The following CAB39 variants were observed in gnomAD, a reference collection of about 807,000 sequenced individuals.
CAB39 encodes the protein calcium binding protein 39.
A neutral mutation model predicts 40.0 loss-of-function variants in CAB39; 8 were observed. The observed-to-expected ratio is 0.20, with a 90% CI of 0.12 to 0.36. The LOEUF (loss-of-function observed/expected upper bound fraction) is 0.36, where lower values mean the gene tolerates loss of function less well. Ranked by LOEUF, CAB39 falls within the 10% of genes least tolerant of loss-of-function variation. The pLI, the probability that CAB39 is intolerant of heterozygous loss-of-function variation, is 1.00. For synonymous variants in CAB39, 156 were observed against 141.6 expected (o/e 1.10, Z -0.72); for missense variants, 270 against 401.1 (o/e 0.67, Z 2.79).
intron 5 of CAB39, 28 bp downstream of exon 5, chr2:230,798,925 TC>T: frequency 6.5e-7 from 1 of 1,544,466 alleles, no homozygotes; most frequent in Non-Finnish European, 8.8e-7. Flanking sequence ...ATTCTAAATA[TC>T]CTTGAAAGTC....
Position 230,734,086 on chromosome 2 carries a change from A to G in CAB39, c.-44+20856A>G, listed in dbSNP as rs575338611. Among the ~76,000 whole-genome samples, 145 of 152,346 alleles carry G rather than the reference A, an allele frequency of 9.5e-4. 1 individual carries two copies. The highest frequency in any genetic ancestry group is 3.4e-3 in the African/African-American group (140 of 41,578). On this transcript the variant is annotated intron_variant, in intron 1 of 8. Transcript: ENST00000258418. The stretch of plus-strand genomic sequence containing the variant: ...TGGCCCTCTAAAAGGTGAAGAGGAG[A>G]AAGATCTGACCCCTGCCCTTAGAGG...
rs1276815270 is a variant in CAB39 at position 230,820,762 on chromosome 2, T to C, written c.*2058T>C. ...TTGGAATCTGAAGGTAGTTCAGACTTCGTGGGTTTTGTTTTTAAGCAAAAC... is the reference window on the plus strand; with the variant it reads ...TTGGAATCTGAAGGTAGTTCAGACTCCGTGGGTTTTGTTTTTAAGCAAAAC... On this transcript the variant is annotated 3_prime_UTR_variant, in exon 9 of 9. Coordinates refer to ENST00000258418, the MANE Select transcript of CAB39 (RefSeq NM_016289.4). 1 of 152,666 alleles carries C rather than the reference T, an allele frequency of 6.6e-6. No individual in the cohort carries two copies. Among genetic ancestry groups the C allele is most frequent in the Non-Finnish European group, 1.5e-5 (1 of 68,044 alleles). 9.5% of individuals were successfully genotyped at this position (152,666 alleles called of 1,614,324 possible).
intron 1 of CAB39, among the ~76,000 whole-genome samples, chr2:230,745,585 G>T (rs1032143797): frequency 6.6e-6 from 1 of 152,116 alleles, no homozygotes; most frequent in South Asian, 2.1e-4. Flanking sequence ...GATGAAGCTG[G>T]GGTATGGACC....
In CAB39 at chr2:230,813,978, C is replaced by CT. The variant is rs1160253213; in HGVS notation, c.628-37dup. ...CTAATTTACAATGTTACCTACCAGTCTTTTTTTTTTTTTTTTTTTTTTTTT... is the reference window on the plus strand; with the variant it reads ...CTAATTTACAATGTTACCTACCAGTCTTTTTTTTTTTTTTTTTTTTTTTTTT... On this transcript the variant is annotated intron_variant, in intron 6 of 8. Coordinates refer to ENST00000258418, the MANE Select transcript of CAB39 (RefSeq NM_016289.4). 5.3e-3 allele frequency: 597 copies of CT among 113,106 alleles called. 110 individuals are homozygous for CT. Among genetic ancestry groups the CT allele is most frequent in the Non-Finnish European group, 6.6e-3 (438 of 66,340 alleles). 7.0% of individuals were successfully genotyped at this position (113,106 alleles called of 1,614,324 possible).
chr2:230,790,837 T>A (rs201218219), intron 2 of CAB39, 35 bp from the exon 3 acceptor site: 1 of 1,560,948 alleles, frequency 6.4e-7, no homozygotes. Flanking sequence ...TGAATTGTTT[T>A]TTCTCCTCTT....
chr2:230,802,666 G>C (rs28814056), intron 5 of CAB39, among the ~76,000 whole-genome samples: 22,348 of 152,126 alleles, frequency 0.15, 2,444 homozygotes, highest in African/African-American at 0.31. Flanking sequence ...AGAAGAAATG[G>C]ATAAATTCCT....
intron 6 of CAB39, among the ~76,000 whole-genome samples, chr2:230,812,544 T>C (rs941948093): frequency 1.3e-5 from 2 of 152,228 alleles, no homozygotes; most frequent in Non-Finnish European, 2.9e-5. Flanking sequence ...ATTTTCTGTA[T>C]ATATAAGAAC....
At chr2:230,733,630 T>C (rs1694734461) in intron 1 of CAB39, among the ~76,000 whole-genome samples, 1 of 152,220 alleles carries the variant, frequency 6.6e-6, no homozygotes, top group Admixed American at 6.5e-5. Context: ...AAAGAGAAAT[T>C]GGGGAGTTGC....
chr2:230,812,680 C>T (rs1696325904), intron 6 of CAB39, among the ~76,000 whole-genome samples: 1 of 152,190 alleles, frequency 6.6e-6, no homozygotes, highest in Non-Finnish European at 1.5e-5. Context: ...AACTCAAATA[C>T]ATACCAAATA....
intron 6 of CAB39, among the ~76,000 whole-genome samples, chr2:230,811,423 A>G (rs1696304324): frequency 6.6e-6 from 1 of 151,972 alleles, no homozygotes; most frequent in Non-Finnish European, 1.5e-5. Context: ...CTGGTCCTTT[A>G]TTTTTATTTC....
chr2:230,755,599 T>TTA (rs1209968518), intron 1 of CAB39, among the ~76,000 whole-genome samples: 1 of 152,210 alleles, frequency 6.6e-6, no homozygotes, highest in African/African-American at 2.4e-5. Context: ...GGTTGTCTGT[T>TTA]TACTCTGCTA....
chr2:230,769,184 G>A (rs1248403889), intron 2 of CAB39, among the ~76,000 whole-genome samples: 2 of 152,174 alleles, frequency 1.3e-5, no homozygotes, highest in Non-Finnish European at 2.9e-5. Context: ...GATAAAGTAG[G>A]GGTGAAATGT....
chr2:230,723,980 G>A (rs778614669), intron 1 of CAB39, among the ~76,000 whole-genome samples: 2 of 152,122 alleles, frequency 1.3e-5, no homozygotes, highest in Non-Finnish European at 2.9e-5. Flanking sequence ...GTGGTGGCTC[G>A]CACCTGTAAT....
At chr2:230,728,918 T>C (rs1396164467) in intron 1 of CAB39, among the ~76,000 whole-genome samples, 2 of 152,182 alleles carry the variant, frequency 1.3e-5, no homozygotes, top group Non-Finnish European at 2.9e-5. Context: ...CGGCCCCAGA[T>C]GCACATACAG....
intron 2 of CAB39, among the ~76,000 whole-genome samples, chr2:230,789,535 G>A (rs1249641324): frequency 6.6e-6 from 1 of 152,208 alleles, no homozygotes; most frequent in Non-Finnish European, 1.5e-5. Flanking sequence ...TTTGCTTGAT[G>A]ACTAGTGAAT....
chr2:230,765,050 A>G lies in CAB39; in HGVS notation c.114+4935A>G, dbSNP rs1210546732. Among the ~76,000 whole-genome samples the G allele has an allele frequency of 2.0e-5, 3 of 151,966 alleles. 1 individual carries two copies. The highest frequency in any genetic ancestry group is 2.0e-4 in the Admixed American group (3 of 15,252). On this transcript the variant is annotated intron_variant, in intron 2 of 8. Coordinates refer to ENST00000258418, the MANE Select transcript of CAB39 (RefSeq NM_016289.4). ...TCGCCAGGCTGGAGTGCAGTGGCGC[A>G]GTCTTGGCTCACTGCAGCCTCTGCC...
intron 1 of CAB39, among the ~76,000 whole-genome samples, chr2:230,716,738 A>G (rs1045235912): frequency 3.3e-5 from 5 of 152,162 alleles, no homozygotes; most frequent in African/African-American, 9.6e-5. Flanking sequence ...GGGGTAGCTC[A>G]CTCCTATAAT....
chr2:230,788,421 A>G (rs975264932), intron 2 of CAB39, among the ~76,000 whole-genome samples: 2 of 152,074 alleles, frequency 1.3e-5, no homozygotes, highest in Non-Finnish European at 2.9e-5. Flanking sequence ...TGTTCTACAT[A>G]TGTTATAACC....
intron 2 of CAB39, among the ~76,000 whole-genome samples, chr2:230,770,989 G>A (rs1299547399): frequency 6.6e-6 from 1 of 152,112 alleles, no homozygotes; most frequent in African/African-American, 2.4e-5. Context: ...AAGACGACAG[G>A]GATATCTACT....
Sources: allele counts gnomAD v4.1 joint callset (sites outside exome capture counted in the v4.1 genomes callset), GRCh38; gene constraint gnomAD v4.1.1; transcripts MANE v1.5; gene names NCBI Gene and HGNC (gene_info 2026-07-23, HGNC 2026-07-21).